ADGRL3: variants seen among roughly 807,000 people sequenced by gnomAD.
ADGRL3 encodes calcium-independent alpha-latrotoxin receptor 3.
In ADGRL3, 62 loss-of-function variants were observed where a neutral mutation model predicts 153.5. That is an observed-to-expected ratio of 0.40 (90% CI 0.33 to 0.50). The LOEUF (loss-of-function observed/expected upper bound fraction) is 0.50. Among genes scored for constraint, ADGRL3 ranks in the 20% least tolerant of loss-of-function variants. The probability of loss-of-function intolerance (pLI) is 0.47; values close to 1 mark genes in which losing one functional copy is unlikely to be tolerated. For missense variants in ADGRL3, 1,641 were observed against 1,859.4 expected (o/e 0.88, Z 2.16); for synonymous variants, 710 against 672.5 (o/e 1.06, Z -0.86).
chr4:61,210,983 G>T (rs6828860), intron 1 of ADGRL3, among the ~76,000 whole-genome samples: 1 of 152,064 alleles, frequency 6.6e-6, no homozygotes, highest in Non-Finnish European at 1.5e-5. Flanking sequence ...TGAGGTTTAG[G>T]CAATTTCAAT....
In ADGRL3 at chr4:61,577,150, TTG is replaced by T. The variant is rs150685671; in HGVS notation, c.260-10061_260-10060del. Among the ~76,000 whole-genome samples, 48 of 147,222 alleles carry T rather than the reference TTG, an allele frequency of 3.3e-4. No homozygotes were observed. The Middle Eastern group carries it at 0.036, about 110-fold the overall frequency. ...GCTCTTTGTCCTTTCCAGTGAATAA[TTG>T]TGTGTGTGTGTGTGTATGTGTGTGT... is the stretch of plus-strand genomic sequence containing the variant. On this transcript the variant is annotated intron_variant, in intron 4 of 26. Coordinates refer to ENST00000683033, the MANE Select transcript of ADGRL3 (RefSeq NM_001387552.1).
intron 2 of ADGRL3, among the ~76,000 whole-genome samples, chr4:61,472,663 G>A (rs1444276189): frequency 6.6e-6 from 1 of 151,924 alleles, no homozygotes; most frequent in African/African-American, 2.4e-5. Flanking sequence ...GAACCAATGG[G>A]TCCATTATAA....
At chr4:61,471,071 G>A (rs1296153779) in intron 2 of ADGRL3, among the ~76,000 whole-genome samples, 1 of 151,550 alleles carries the variant, frequency 6.6e-6, no homozygotes, top group African/African-American at 2.4e-5. Context: ...TTAACAGGCT[G>A]ATATTTTACT....
At chr4:61,632,772 G>A (rs1316257663) in intron 5 of ADGRL3, among the ~76,000 whole-genome samples, 5 of 152,038 alleles carry the variant, frequency 3.3e-5, no homozygotes, top group Admixed American at 3.3e-4. Context: ...ATAATCACAA[G>A]CTGAGATAAA....
rs113571035 is a variant in ADGRL3 at position 61,776,151 on chromosome 4, C to T, written c.1400-37658C>T. On this transcript the variant is annotated intron_variant, in intron 8 of 26. Coordinates refer to ENST00000683033, the MANE Select transcript of ADGRL3 (RefSeq NM_001387552.1). Reference sequence around the variant, plus strand: ...TCCTGACCTTGTGATCCACCCGCCTCGGCCTCCCAAAGTGCTGGGATTACA... The same window carrying T: ...TCCTGACCTTGTGATCCACCCGCCTTGGCCTCCCAAAGTGCTGGGATTACA... Among the ~76,000 whole-genome samples, 7 of 152,152 alleles carry T rather than the reference C, an allele frequency of 4.6e-5. No homozygotes were observed. The South Asian group carries it at 8.3e-4, about 18-fold the overall frequency.
chr4:61,874,966 G>A (rs1292920786), intron 9 of ADGRL3, among the ~76,000 whole-genome samples: 2 of 150,632 alleles, frequency 1.3e-5, no homozygotes, highest in African/African-American at 2.4e-5. Flanking sequence ...CCACCACCGC[G>A]CCCGGCTAAT....
chr4:61,806,015 T>A (rs2148502692), intron 8 of ADGRL3, among the ~76,000 whole-genome samples: 1 of 152,340 alleles, frequency 6.6e-6, no homozygotes, highest in East Asian at 1.9e-4. Flanking sequence ...TTTTATGATT[T>A]GTAATGTAGC....
chr4:62,009,872 A>G (rs2099175831), intron 21 of ADGRL3, among the ~76,000 whole-genome samples: 2 of 152,176 alleles, frequency 1.3e-5, no homozygotes, highest in Admixed American at 6.6e-5. Context: ...AGGAGTCCCC[A>G]TGACCATCCC....
chr4:61,410,076 G>T (rs1161986032), intron 2 of ADGRL3, among the ~76,000 whole-genome samples: 1 of 151,850 alleles, frequency 6.6e-6, no homozygotes, highest in African/African-American at 2.4e-5. Flanking sequence ...AATAGTGAAG[G>T]ATGGAATAAG....
At chr4:61,772,672 T>G (rs1465938121) in intron 8 of ADGRL3, among the ~76,000 whole-genome samples, 1 of 152,176 alleles carries the variant, frequency 6.6e-6, no homozygotes, top group Non-Finnish European at 1.5e-5. Context: ...CTGATTCCTC[T>G]TTCCCCTCCA....
At chr4:61,640,210 G>A (rs2093603688) in intron 5 of ADGRL3, among the ~76,000 whole-genome samples, 1 of 149,826 alleles carries the variant, frequency 6.7e-6, no homozygotes, top group African/African-American at 2.4e-5. Context: ...GGAAATAATA[G>A]AGTATGTTTT....
intron 8 of ADGRL3, among the ~76,000 whole-genome samples, chr4:61,805,804 G>A (rs1343380057): frequency 6.6e-6 from 1 of 152,132 alleles, no homozygotes; most frequent in African/African-American, 2.4e-5. Context: ...GGGATATTGG[G>A]TTAAAATCAC....
chr4:61,531,875 T>C (rs1560793508), intron 4 of ADGRL3, among the ~76,000 whole-genome samples: 1 of 152,296 alleles, frequency 6.6e-6, no homozygotes, highest in South Asian at 2.1e-4. Context: ...TGTTAGCCTA[T>C]GGAAATATTA....
intron 9 of ADGRL3, among the ~76,000 whole-genome samples, chr4:61,826,387 T>C (rs2097801333): frequency 6.6e-6 from 1 of 152,186 alleles, no homozygotes; most frequent in African/African-American, 2.4e-5. Flanking sequence ...ATTTGTGGGA[T>C]TGAGCAGTTT....
Position 61,320,766 on chromosome 4 carries a change from G to A in ADGRL3, c.-239-62358G>A, listed in dbSNP as rs562664171. Among the ~76,000 whole-genome samples the A allele has an allele frequency of 2.0e-5, 3 of 152,300 alleles. No individual in the cohort carries two copies. In the East Asian group the frequency reaches 5.8e-4, roughly 29 times the overall value. ...TCTTAAAATTAACTATCACACTGCT[G>A]TAACAAATTACTACAAACATAGTGG... On this transcript the variant is annotated intron_variant, in intron 1 of 26. Transcript: ENST00000683033.
At chr4:61,766,717 A>C (rs1471587723) in intron 8 of ADGRL3, among the ~76,000 whole-genome samples, 2 of 151,970 alleles carry the variant, frequency 1.3e-5, no homozygotes, top group Non-Finnish European at 2.9e-5. Flanking sequence ...TGTCAGGGTC[A>C]GTCCAAGTGA....
At chr4:61,689,846 C>A (rs1041939813) in intron 6 of ADGRL3, among the ~76,000 whole-genome samples, 2 of 152,034 alleles carry the variant, frequency 1.3e-5, no homozygotes, top group Non-Finnish European at 2.9e-5. Flanking sequence ...AAAGAATAGT[C>A]TTTCTTTACC....
At chr4:61,369,376 T>C in intron 1 of ADGRL3, among the ~76,000 whole-genome samples, 1 of 152,204 alleles carries the variant, frequency 6.6e-6, no homozygotes, top group East Asian at 1.9e-4. Context: ...TTGTCATAGA[T>C]AGCTCTTATT....
intron 8 of ADGRL3, among the ~76,000 whole-genome samples, chr4:61,784,248 C>A (rs144522005): frequency 7.5e-4 from 114 of 152,202 alleles, no homozygotes; most frequent in Admixed American, 1.6e-3. Context: ...TGGTTTTGAA[C>A]AGCCTATATC....
Sources: allele counts gnomAD v4.1 joint callset (sites outside exome capture counted in the v4.1 genomes callset), GRCh38; gene constraint gnomAD v4.1.1; transcripts MANE v1.5; gene names NCBI Gene and HGNC (gene_info 2026-07-23, HGNC 2026-07-21).